POLR3D: variants seen among roughly 807,000 people sequenced by gnomAD.
The protein encoded by POLR3D is DNA-directed RNA polymerase III subunit RPC4.
A neutral mutation model predicts 44.5 loss-of-function variants in POLR3D; 42 were observed. The observed-to-expected ratio is 0.94, with a 90% CI of 0.74 to 1.22. POLR3D has a LOEUF of 1.22. Among genes scored for constraint, POLR3D ranks in the 50% most tolerant of loss-of-function variants. The pLI is 0.00. For synonymous variants in POLR3D, 217 were observed against 198.1 expected (o/e 1.10, Z -0.80); for missense variants, 507 against 505.2 (o/e 1.00, Z -0.03).
In POLR3D at chr8:22,249,245, C is replaced by G. The variant is rs746279667; in HGVS notation, c.857C>G (p.Pro286Arg). 2.5e-6 allele frequency: 4 copies of G among 1,613,958 alleles called. No individual in the cohort carries two copies. The highest frequency in any genetic ancestry group is 3.4e-6 in the Non-Finnish European group (4 of 1,180,034). The stretch of plus-strand genomic sequence containing the variant: ...CAGCCACCCACCCAGGACATCAAGC[C>G]TATCAAGACAGAGGTGCAGGGCGAG... ...PGQPPTQDIK[P>R]IKTEVQGEDG... The change falls in exon 7 of 9, where the codon CCT (proline) becomes CGT (arginine). Residue 286 changes from proline (P) to arginine (R), a missense_variant. Physicochemically the swap from Pro to Arg is moderately radical, Grantham distance 103. Coordinates refer to ENST00000306433, the MANE Select transcript of POLR3D (RefSeq NM_001722.3).
chr8:22,253,356 G>A lies in POLR3D; in HGVS notation c.*2838G>A, dbSNP rs1446733227. ...AACCTCCCCCCTGTCTCTTTATAGA[G>A]TGGGGCCACGTGCCCACTCTTGGAC... On this transcript the variant is annotated 3_prime_UTR_variant, in exon 9 of 9. Coordinates refer to ENST00000306433, the MANE Select transcript of POLR3D (RefSeq NM_001722.3). 2 of 152,270 alleles carry A rather than the reference G, an allele frequency of 1.3e-5. No homozygotes were observed. The highest frequency in any genetic ancestry group is 2.9e-5 in the Non-Finnish European group (2 of 68,072). 9.4% of individuals were successfully genotyped at this position (152,270 alleles called of 1,614,324 possible).
At position 22,248,272 on chromosome 8, in the gene POLR3D, G is replaced by C. The variant is rs1255971780; in HGVS notation, c.480G>C (p.Lys160Asn). The change falls in exon 5 of 9, where the codon AAG (lysine) becomes AAC (asparagine). Residue 160 changes from lysine (K) to asparagine (N), a missense_variant. Coordinates refer to ENST00000306433, the MANE Select transcript of POLR3D (RefSeq NM_001722.3). ...ETKQILRMLE[K>N]DDFLDDPGLR... is the part of the protein sequence containing the mutation. ...AACAGATCTTGCGTATGCTGGAGAA[G>C]GACGATGTGGGTACCAGGAGGCTGG... The C allele has an allele frequency of 5.6e-6, 9 of 1,613,762 alleles. No homozygotes were observed. Among genetic ancestry groups the C allele is most frequent in the Non-Finnish European group, 7.6e-6 (9 of 1,179,896 alleles).
rs113233791 is a variant in POLR3D at position 22,247,031 on chromosome 8, T to G, written c.166-190T>G. On this transcript the variant is annotated intron_variant, in intron 2 of 8. Transcript: ENST00000306433. ...TGCCCCCTTCTATGTGTAACTCCAC[T>G]GCTACCACACTATGACATTCCTCCT... Among the ~76,000 whole-genome samples, 53 of 152,364 alleles carry G rather than the reference T, an allele frequency of 3.5e-4. 1 individual carries two copies. The highest frequency in any genetic ancestry group is 1.3e-3 in the African/African-American group (52 of 41,588).
intron 6 of POLR3D, 77 bp from the exon 7 acceptor site, chr8:22,248,965 CAG>C (rs956183027): frequency 7.9e-6 from 12 of 1,512,648 alleles, no homozygotes; most frequent in African/African-American, 2.7e-5. Context: ...GTGGAGCAGA[CAG>C]GGGCAAAGGG....
intron 2 of POLR3D, among the ~76,000 whole-genome samples, chr8:22,246,448 G>T (rs936638073): frequency 3.3e-5 from 5 of 149,782 alleles, no homozygotes; most frequent in Non-Finnish European, 5.9e-5. Flanking sequence ...CGGTTTTTTG[G>T]TTTTTTGTTT....
In POLR3D at chr8:22,247,985, C is replaced by T; in HGVS notation, c.338C>T (p.Pro113Leu). The T allele has an allele frequency of 6.2e-7, 1 of 1,613,940 alleles. No homozygotes were observed. The highest frequency in any genetic ancestry group is 8.5e-7 in the Non-Finnish European group (1 of 1,179,922). The change falls in exon 4 of 9, where the codon CCA (proline) becomes CTA (leucine). Residue 113 changes from proline (P) to leucine (L), a missense_variant. Transcript: ENST00000306433. The part of the protein sequence containing the change: ...IQSHSIFEQG[P>L]AEMMKKKGNW... ...TCTCACTCCATCTTTGAGCAGGGCC[C>T]AGCTGAAATGATGAAGAAAAAAGGT...
chr8:22,250,626 C>G lies in POLR3D; in HGVS notation c.*108C>G, dbSNP rs1830097400. ...AGAAGGGGCCCACTGAGCCCACTCA[C>G]TCCAGCCTTTGGCAACCATTGTTCC... On this transcript the variant is annotated 3_prime_UTR_variant, in exon 9 of 9. Transcript: ENST00000306433. The G allele has an allele frequency of 7.2e-7, 1 of 1,395,146 alleles. No individual in the cohort carries two copies. Among genetic ancestry groups the G allele is most frequent in the Admixed American group, 1.8e-5 (1 of 55,994 alleles). 86.4% of individuals were successfully genotyped at this position (1,395,146 alleles called of 1,614,324 possible). A position where few individuals can be genotyped will look rare whatever the true frequency, so the allele number is the denominator to read the frequency against.
Position 22,247,988 on chromosome 8 carries a change from C to A in POLR3D, c.341C>A (p.Ala114Asp). The A allele has an allele frequency of 1.9e-6, 3 of 1,613,706 alleles. No homozygotes were observed. Among genetic ancestry groups the A allele is most frequent in the Non-Finnish European group, 1.7e-6 (2 of 1,179,870 alleles). The change falls in exon 4 of 9, where the codon GCT (alanine) becomes GAT (aspartate). Residue 114 changes from alanine (A) to aspartate (D), a missense_variant. Physicochemically the swap from Ala to Asp is moderately radical, Grantham distance 126 (BLOSUM62 -2). Coordinates refer to ENST00000306433, the MANE Select transcript of POLR3D (RefSeq NM_001722.3). Reference sequence around the variant, plus strand: ...CACTCCATCTTTGAGCAGGGCCCAGCTGAAATGATGAAGAAAAAAGGTATA... The same window carrying A: ...CACTCCATCTTTGAGCAGGGCCCAGATGAAATGATGAAGAAAAAAGGTATA... Reference protein sequence around the residue: ...QSHSIFEQGPAEMMKKKGNWD... With the variant: ...QSHSIFEQGPDEMMKKKGNWD...
rs1830129575 is a variant in POLR3D at position 22,254,256 on chromosome 8, T to G, written c.*3738T>G. On this transcript the variant is annotated 3_prime_UTR_variant, in exon 9 of 9. Coordinates refer to ENST00000306433, the MANE Select transcript of POLR3D (RefSeq NM_001722.3). ...TCCATCCATGTGGCTGCAAAGCACA[T>G]GATTTCATTGTATTTTATGACTGCT... 1 of 152,252 alleles carries G rather than the reference T, an allele frequency of 6.6e-6. No homozygotes were observed. The highest frequency in any genetic ancestry group is 1.5e-5 in the Non-Finnish European group (1 of 68,044). The allele number at this position is 152,252 out of a possible 1,614,324, so 9.4% of individuals were successfully genotyped here. A position where few individuals can be genotyped will look rare whatever the true frequency, so the allele number is the denominator to read the frequency against.
intron 8 of POLR3D, 77 bp from the exon 9 acceptor site, chr8:22,250,319 G>A: frequency 1.2e-6 from 2 of 1,608,462 alleles, no homozygotes; most frequent in Non-Finnish European, 1.7e-6. Context: ...GTTTCTGGGA[G>A]TATCATGTCC....
intron 1 of POLR3D, 79 bp downstream of exon 1, chr8:22,245,262 G>T: frequency 1.8e-6 from 1 of 541,790 alleles, no homozygotes; most frequent in Non-Finnish European, 3.3e-6. Flanking sequence ...CCTGGAGAGG[G>T]CGTGTCGCGA....
chr8:22,249,643 A>G (rs762477397), intron 7 of POLR3D, among the ~76,000 whole-genome samples: 4 of 152,154 alleles, frequency 2.6e-5, no homozygotes, highest in Non-Finnish European at 5.9e-5. Flanking sequence ...TAGCCTGGGC[A>G]ACGTGGTGAC....
chr8:22,247,863 G>A lies in POLR3D; in HGVS notation c.216G>A (p.Lys72=). 6.2e-7 allele frequency: 1 copy of A among 1,612,812 alleles called. No individual in the cohort carries two copies. Among genetic ancestry groups the A allele is most frequent in the South Asian group, 1.1e-5 (1 of 91,026 alleles). The part of the protein sequence containing the change: ...IISRKIKEEP[K]EEVTVKKEKR... ...AATCCATTCTTTTTTCCAGGCCCAA[G>A]GAAGAAGTAACTGTCAAGAAGGAGA... Residue 72 remains lysine, a synonymous_variant, in exon 4 of 9, where the codon AAG becomes AAA. Coordinates refer to ENST00000306433, the MANE Select transcript of POLR3D (RefSeq NM_001722.3).
At position 22,253,723 on chromosome 8, in the gene POLR3D, C is replaced by T. The variant is rs1384696924; in HGVS notation, c.*3205C>T. The T allele has an allele frequency of 6.6e-6, 1 of 152,212 alleles. No homozygotes were observed. The highest frequency in any genetic ancestry group is 2.4e-5 in the African/African-American group (1 of 41,446). 9.4% of individuals were successfully genotyped at this position (152,212 alleles called of 1,614,324 possible). ...TTGTTTTTTGAGATGGAGTCTCACT[C>T]TGTCGCCCAGTGGTGTGATCTTGGC... is the stretch of plus-strand genomic sequence containing the variant. On this transcript the variant is annotated 3_prime_UTR_variant, in exon 9 of 9. Transcript: ENST00000306433.
At position 22,250,284 on chromosome 8, in the gene POLR3D, G is replaced by C. The variant is rs970574781; in HGVS notation, c.1074+57G>C. 3.1e-6 allele frequency: 5 copies of C among 1,610,628 alleles called. No individual in the cohort carries two copies. In the African/African-American group the frequency reaches 6.7e-5, roughly 22 times the overall value. On this transcript the variant is annotated intron_variant, in intron 8 of 8. Transcript: ENST00000306433. ...CTTTCAGGAGTGAAGGAGGATTGAA[G>C]AGCCACTGCTAAATAAGGGAGGGGG...
At chr8:22,250,024 A>G in intron 7 of POLR3D, 51 bp from the exon 8 acceptor site, 1 of 1,602,812 alleles carries the variant, frequency 6.2e-7, no homozygotes, top group Non-Finnish European at 8.5e-7. Context: ...TTCATGAAAG[A>G]TGGAGGAAAG....
chr8:22,246,098 A>G (rs1320806804), intron 2 of POLR3D, among the ~76,000 whole-genome samples: 3 of 152,078 alleles, frequency 2.0e-5, no homozygotes, highest in African/African-American at 7.3e-5. Flanking sequence ...TGGGGTCAGG[A>G]TGACAGAAGA....
rs1385954157 is a variant in POLR3D, at chr8:22,250,012, G to T, written c.922-63G>T. The T allele has an allele frequency of 7.6e-6, 12 of 1,581,462 alleles. No homozygotes were observed. In the East Asian group the frequency reaches 2.5e-4, roughly 32 times the overall value. ...GCCTTTCTCTTGGGGAGTAGAAGGG[G>T]GTTCATGAAAGATGGAGGAAAGAGC... On this transcript the variant is annotated intron_variant, in intron 7 of 8. Transcript: ENST00000306433.
Position 22,247,889 on chromosome 8 carries a change from A to G in POLR3D, c.242A>G (p.Lys81Arg). ...GAAGAAGTAACTGTCAAGAAGGAGAAGCGTGAAAGGGACAGAGACCGACAA... is the reference window on the plus strand; with the variant it reads ...GAAGAAGTAACTGTCAAGAAGGAGAGGCGTGAAAGGGACAGAGACCGACAA... ...PKEEVTVKKEKRERDRDRQRE... is the reference protein window; with the variant it reads ...PKEEVTVKKERRERDRDRQRE... Residue 81 changes from lysine (K) to arginine (R), a missense_variant, in exon 4 of 9, where the codon AAG becomes AGG. Lys to Arg is a conservative substitution (Grantham distance 26, BLOSUM62 2). Coordinates refer to ENST00000306433, the MANE Select transcript of POLR3D (RefSeq NM_001722.3). The G allele has an allele frequency of 6.2e-7, 1 of 1,614,108 alleles. No homozygotes were observed. The highest frequency in any genetic ancestry group is 8.5e-7 in the Non-Finnish European group (1 of 1,180,010).
Sources: gnomAD v4.1 joint callset for allele counts (sites outside exome capture counted in the v4.1 genomes callset) on GRCh38, gnomAD v4.1.1 for gene constraint, MANE v1.5 for transcripts, NCBI Gene and HGNC (gene_info 2026-07-23, HGNC 2026-07-21) for gene names.